Variants in CARS1 observed in about 807,000 individuals in gnomAD.
CARS1 encodes the protein cysteine--tRNA ligase, cytoplasmic.
In CARS1, 48 loss-of-function variants were observed where a neutral mutation model predicts 106.2. The observed-to-expected ratio is 0.45, with a 90% CI of 0.36 to 0.57. CARS1 has a LOEUF of 0.57. Ranked by LOEUF, CARS1 falls within the 20% of genes least tolerant of loss-of-function variation. The probability of loss-of-function intolerance (pLI) is 0.00; values close to 1 mark genes in which losing one functional copy is unlikely to be tolerated. For synonymous variants in CARS1, 409 were observed against 403.4 expected (o/e 1.01, Z -0.17); for missense variants, 968 against 1,057.2 (o/e 0.92, Z 1.17).
intron 7 of CARS1, among the ~76,000 whole-genome samples, chr11:3,032,001 TCCCTCCCTCCCTCCCTCCCTCCCTCCC>T (rs1565074463): frequency 0.012 from 154 of 13,148 alleles, 41 homozygotes; most frequent in East Asian, 0.045. Flanking sequence ...CTTCCTTCCC[TCCCTCCCTCCCTCCCTCCCTCCCTCCC>T]TCCCTCCCTC....
rs1853743739 is a variant in CARS1, at chr11:3,037,090, C to T, written c.801+960G>A. On this transcript the variant is annotated intron_variant, in intron 7 of 22. Coordinates refer to ENST00000380525, the MANE Select transcript of CARS1 (RefSeq NM_001014437.3). This position sits in a 1 kb window ranked among gnomAD's most constrained non-coding sequence, Gnocchi z 5.9. ...TTGGTAAGAAGGAAACCTAACTGCC[C>T]GTCCCAGGAGAACAGACAAACAGCT... Among the ~76,000 whole-genome samples, 3 of 152,110 alleles carry T rather than the reference C, an allele frequency of 2.0e-5. No homozygotes were observed. The highest frequency in any genetic ancestry group is 2.9e-5 in the Non-Finnish European group (2 of 68,016).
intron 19 of CARS1, among the ~76,000 whole-genome samples, chr11:3,005,832 G>A (rs191881097): frequency 1.3e-5 from 2 of 152,060 alleles, no homozygotes; most frequent in East Asian, 3.9e-4. Flanking sequence ...GGCTGGTCTC[G>A]AACTCCTGAG....
rs776043713 is a variant in CARS1, at chr11:3,028,826, A to G, written c.1031+170T>C. On this transcript the variant is annotated intron_variant, in intron 9 of 22. Transcript: ENST00000380525. This position sits in a 1 kb window ranked among gnomAD's most constrained non-coding sequence, Gnocchi z 4.4. The stretch of plus-strand genomic sequence containing the variant: ...AGGACAGTGCAGACCCATGCTCCTC[A>G]GCCCCTGGGTGGGCCCAGAGTTGTA... 9.7e-6 allele frequency: 6 copies of G among 618,822 alleles called. No individual in the cohort carries two copies. The highest frequency in any genetic ancestry group is 1.7e-5 in the Non-Finnish European group (6 of 346,516). 38.3% of individuals were successfully genotyped at this position (618,822 alleles called of 1,614,324 possible). A position where few individuals can be genotyped will look rare whatever the true frequency, so the allele number is the denominator to read the frequency against.
At chr11:3,056,629 T>G (rs747804399) in intron 1 of CARS1, among the ~76,000 whole-genome samples, 2 of 152,220 alleles carry the variant, frequency 1.3e-5, no homozygotes, top group Non-Finnish European at 2.9e-5. Context: ...CCTTTTACTG[T>G]GTGTACGCGT....
Position 3,034,333 on chromosome 11 carries a change from G to T in CARS1, c.801+3717C>A, listed in dbSNP as rs550710694. ...CCTCCTGGTTTCAAGCTATTCTCCTGCCTCAGCCTCCAGAGTAGCTGGGAT... is the reference window on the plus strand; with the variant it reads ...CCTCCTGGTTTCAAGCTATTCTCCTTCCTCAGCCTCCAGAGTAGCTGGGAT... On this transcript the variant is annotated intron_variant, in intron 7 of 22. Coordinates refer to ENST00000380525, the MANE Select transcript of CARS1 (RefSeq NM_001014437.3). This position sits in a 1 kb window ranked among gnomAD's most constrained non-coding sequence, Gnocchi z 6.3. 2.0e-5 allele frequency among the ~76,000 whole-genome samples: 3 copies of T among 151,804 alleles called. No homozygotes were observed. In the South Asian group the frequency reaches 6.2e-4, roughly 32 times the overall value.
chr11:3,054,934 G>C, intron 1 of CARS1: 1 of 702,592 alleles, frequency 1.4e-6, no homozygotes, highest in Non-Finnish European at 2.6e-6. Flanking sequence ...CCTGAGGTAG[G>C]CTCCATCTAC....
chr11:3,047,859 G>T lies in CARS1; in HGVS notation c.168C>A (p.Ala56=), dbSNP rs775963722. ...ADVDAFRQLS[A]PPADPQLFHV... is the part of the protein sequence containing the mutation. ...GGAAGAGCTGGGGGTCAGCGGGCGG[G>T]GCCGAGAGCTGCCTGAACGCGTCCA... The change falls in exon 2 of 23, where the codon GCC becomes GCA. Residue 56 remains alanine, a synonymous_variant. Transcript: ENST00000380525. 6.2e-7 allele frequency: 1 copy of T among 1,614,094 alleles called. No individual in the cohort carries two copies. Among genetic ancestry groups the T allele is most frequent in the East Asian group, 2.2e-5 (1 of 44,878 alleles).
rs1855595137 is a variant in CARS1, at chr11:3,050,749, C to T, written c.26-2748G>A. On this transcript the variant is annotated intron_variant, in intron 1 of 22. Coordinates refer to ENST00000380525, the MANE Select transcript of CARS1 (RefSeq NM_001014437.3). This position sits in a 1 kb window ranked among gnomAD's most constrained non-coding sequence, Gnocchi z 6.3. Reference sequence around the variant, plus strand: ...GCATGCTCCCCAGATACCAGCAGGCCCCTTAATCCTTCACAGCTCTGCTAG... The same window carrying T: ...GCATGCTCCCCAGATACCAGCAGGCTCCTTAATCCTTCACAGCTCTGCTAG... Among the ~76,000 whole-genome samples the T allele has an allele frequency of 6.6e-6, 1 of 152,178 alleles. No individual in the cohort carries two copies. The highest frequency in any genetic ancestry group is 6.5e-5 in the Admixed American group (1 of 15,280).
chr11:3,011,220 G>GT (rs1850421195), intron 18 of CARS1, among the ~76,000 whole-genome samples: 1 of 152,216 alleles, frequency 6.6e-6, no homozygotes, highest in Admixed American at 6.5e-5. Context: ...TTTTTGCTGT[G>GT]TTTAACACTT....
At chr11:3,001,805 A>G (rs1849424553) in intron 22 of CARS1, among the ~76,000 whole-genome samples, 165 bp downstream of exon 22, 1 of 152,234 alleles carries the variant, frequency 6.6e-6, no homozygotes, top group Non-Finnish European at 1.5e-5. Context: ...GAAGGAGCTC[A>G]GTAGTTGGGC....
chr11:3,047,975 T>C lies in CARS1; in HGVS notation c.52A>G (p.Ile18Val), dbSNP rs751096901. ...TGTGCCCTGGCTGCCTCGTCACTAA[T>C]GCTCAGAATGGACCTGTAGTCAGGA... Reference protein sequence around the residue: ...QAPDYRSILSISDEAARAQAL... With the variant: ...QAPDYRSILSVSDEAARAQAL... Residue 18 changes from isoleucine (I) to valine (V), a missense_variant, in exon 2 of 23, where the codon ATT becomes GTT. Transcript: ENST00000380525. 6.2e-7 allele frequency: 1 copy of C among 1,614,086 alleles called. No homozygotes were observed. The highest frequency in any genetic ancestry group is 2.2e-5 in the East Asian group (1 of 44,882).
intron 2 of CARS1, among the ~76,000 whole-genome samples, chr11:3,042,621 C>T (rs1440299447): frequency 6.6e-6 from 1 of 152,182 alleles, no homozygotes; most frequent in Non-Finnish European, 1.5e-5. Flanking sequence ...CACAGCGTGC[C>T]CAGCACATTC....
chr11:3,013,205 C>A (rs1163183985), intron 17 of CARS1, among the ~76,000 whole-genome samples: 1 of 142,572 alleles, frequency 7.0e-6, no homozygotes, highest in Non-Finnish European at 1.5e-5. Context: ...CCCAGACTGG[C>A]ATGCAATGGC....
intron 18 of CARS1, among the ~76,000 whole-genome samples, chr11:3,011,441 TAA>T (rs5789291): frequency 3.0e-3 from 442 of 145,040 alleles, no homozygotes; most frequent in Admixed American, 4.6e-3. Context: ...CCATCTCTGC[TAA>T]AAAAAAAAAA....
Position 3,046,149 on chromosome 11 carries a change from C to T in CARS1, c.274+1604G>A, listed in dbSNP as rs555607487. On this transcript the variant is annotated intron_variant, in intron 2 of 22. Coordinates refer to ENST00000380525, the MANE Select transcript of CARS1 (RefSeq NM_001014437.3). This position sits in a 1 kb window ranked among gnomAD's most constrained non-coding sequence, Gnocchi z 5.8. Reference sequence around the variant, plus strand: ...CATGGTCCATTCTGTTACACAGCAACGTGGCTCTGCTTCCTCTCTGTAGGT... The same window carrying T: ...CATGGTCCATTCTGTTACACAGCAATGTGGCTCTGCTTCCTCTCTGTAGGT... 2.0e-5 allele frequency among the ~76,000 whole-genome samples: 3 copies of T among 152,340 alleles called. No individual in the cohort carries two copies. The highest frequency in any genetic ancestry group is 7.2e-5 in the African/African-American group (3 of 41,580).
Position 3,029,862 on chromosome 11 carries a change from G to C in CARS1, c.802-419C>G, listed in dbSNP as rs976789773. On this transcript the variant is annotated intron_variant, in intron 7 of 22. Transcript: ENST00000380525. This position sits in a 1 kb window ranked among gnomAD's most constrained non-coding sequence, Gnocchi z 5.9. ...AAGATTCATGACGGACACAGCCAGA[G>C]GTTAGGAGAGATAGGCAGGGCACTG... 4.6e-5 allele frequency: 8 copies of C among 173,102 alleles called. No homozygotes were observed. The highest frequency in any genetic ancestry group is 9.8e-5 in the Non-Finnish European group (8 of 81,706). The allele number at this position is 173,102 out of a possible 1,614,324, so 10.7% of individuals were successfully genotyped here.
chr11:3,054,737 TC>T (rs1303463699), intron 1 of CARS1: 3 of 617,544 alleles, frequency 4.9e-6, no homozygotes, highest in East Asian at 5.5e-5. Flanking sequence ...TCAAAGGGGT[TC>T]CCCCAAGGGT....
In CARS1 at chr11:3,046,947, C is replaced by T. The variant is rs1259477245; in HGVS notation, c.274+806G>A. ...GCTGGAGCTACGGGACAGACATCAT[C>T]TCAAAGAGAAAAAATGACTTATTTC... On this transcript the variant is annotated intron_variant, in intron 2 of 22. Coordinates refer to ENST00000380525, the MANE Select transcript of CARS1 (RefSeq NM_001014437.3). This position sits in a 1 kb window ranked among gnomAD's most constrained non-coding sequence, Gnocchi z 5.8. 6.6e-6 allele frequency among the ~76,000 whole-genome samples: 1 copy of T among 152,146 alleles called. No individual in the cohort carries two copies. The highest frequency in any genetic ancestry group is 1.5e-5 in the Non-Finnish European group (1 of 68,032).
chr11:3,013,420 G>A (rs1850694160), intron 17 of CARS1, among the ~76,000 whole-genome samples: 1 of 152,188 alleles, frequency 6.6e-6, no homozygotes, highest in South Asian at 2.1e-4. Flanking sequence ...CCAAAGTGCT[G>A]GGATTACAGG....
Sources: gnomAD v4.1 joint callset for allele counts (sites outside exome capture counted in the v4.1 genomes callset) on GRCh38, gnomAD v4.1.1 for gene constraint, Gnocchi (gnomAD v3.1) non-coding constraint, MANE v1.5 for transcripts, NCBI Gene and HGNC (gene_info 2026-07-23, HGNC 2026-07-21) for gene names.